The following RBMX variants were observed in gnomAD, a reference collection of about 807,000 sequenced individuals.
RBMX encodes the protein RNA binding motif protein X-linked, also known as RNA-binding motif protein, X chromosome.
RBMX carries 1 observed loss-of-function variant against 29.3 expected under a neutral mutation model. That is an observed-to-expected ratio of 0.03 (90% confidence interval 0.01 to 0.16). The LOEUF (loss-of-function observed/expected upper bound fraction) is 0.16, where lower values mean the gene tolerates loss of function less well. Among genes scored for constraint, RBMX ranks in the 10% least tolerant of loss-of-function variants. The pLI is 1.00. For missense variants in RBMX, 121 were observed against 333.2 expected (o/e 0.36, Z 4.96); for synonymous variants, 102 against 102.3 (o/e 1.00, Z 0.02).
At chrX:136,878,621 T>C (rs1376789404) in intron 3 of RBMX, among the ~76,000 whole-genome samples, 2 of 52,830 alleles carry the variant, frequency 3.8e-5, no homozygotes, top group Non-Finnish European at 6.3e-5. Flanking sequence ...CGCGCATGCC[T>C]GTAATCCCAG....
chrX:136,878,606 G>T (rs916384457), intron 3 of RBMX, among the ~76,000 whole-genome samples: 1 of 82,800 alleles, frequency 1.2e-5, no homozygotes, highest in Non-Finnish European at 2.3e-5. Context: ...TTAGCCGGGC[G>T]TGGTCGCGCA....
At chrX:136,875,430 A>C (rs1240686575) in intron 6 of RBMX, 41 bp downstream of exon 6, 1 of 1,206,126 alleles carries the variant, frequency 8.3e-7, no homozygotes, top group South Asian at 1.8e-5. Context: ...GCTTTCCTTC[A>C]ACCTTAATTA....
At chrX:136,875,709 CTAATTT>C (rs1024042826) in intron 5 of RBMX, 124 bp from the exon 6 acceptor site, 51 of 938,480 alleles carry the variant, frequency 5.4e-5, no homozygotes, top group South Asian at 3.7e-4. Flanking sequence ...GCTAGATCAC[CTAATTT>C]TATTTTCTAC....
At chrX:136,871,189 A>G (rs960728865), downstream of RBMX, among the ~76,000 whole-genome samples, 12 of 109,085 alleles carry the variant, frequency 1.1e-4, no homozygotes, top group Non-Finnish European at 2.1e-4. Context: ...GCTCATGCCT[A>G]TAATCCCAGC....
chrX:136,874,318 G>C lies in RBMX; in HGVS notation c.1000C>G (p.Leu334Val). ...RDSYSSSRSD[L>V]YSSGRDRVGR... Reference sequence around the variant, plus strand: ...ACCCGATCACGACCACTTGAGTAGAGATCACTTCGGCTGCTTGAGTAACTG... The same window carrying C: ...ACCCGATCACGACCACTTGAGTAGACATCACTTCGGCTGCTTGAGTAACTG... Residue 334 changes from leucine to valine, a missense_variant, in exon 9 of 9, where the codon CTC (leucine) becomes GTC (valine). This residue lies in a region of RBMX where 114 missense variants were observed against 260.0 expected (regional missense o/e 0.44). Coordinates refer to ENST00000320676, the MANE Select transcript of RBMX (RefSeq NM_002139.4). 8.2e-7 allele frequency: 1 copy of C among 1,212,819 alleles called. No homozygotes were observed. The highest frequency in any genetic ancestry group is 1.1e-6 in the Non-Finnish European group (1 of 895,666).
At chrX:136,875,947 G>A (rs953759077) in intron 5 of RBMX, among the ~76,000 whole-genome samples, 5 of 107,664 alleles carry the variant, frequency 4.6e-5, no homozygotes, top group African/African-American at 6.8e-5. Context: ...GATTACAGGT[G>A]CCCACCACCA....
downstream of RBMX, among the ~76,000 whole-genome samples, chrX:136,871,875 G>A (rs867706274): frequency 4.0e-5 from 4 of 98,832 alleles, no homozygotes; most frequent in African/African-American, 1.5e-4. Context: ...GACTGGTCTC[G>A]AACTCCTGAC....
chrX:136,880,522 C>T (rs950678950), intron 1 of RBMX, 75 bp downstream of exon 1: 1 of 112,032 alleles, frequency 8.9e-6, no homozygotes, highest in Admixed American at 9.5e-5. Flanking sequence ...ACCCCCATCT[C>T]CAGGGAGATA....
chrX:136,872,780 G>A (rs2077692584), downstream of RBMX: 1 of 117,352 alleles, frequency 8.5e-6, no homozygotes, highest in African/African-American at 3.3e-5. Flanking sequence ...TCCATACAGT[G>A]TAGTTTCATA....
chrX:136,870,872 C>T (rs915928401), downstream of RBMX, among the ~76,000 whole-genome samples: 8 of 107,683 alleles, frequency 7.4e-5, no homozygotes, highest in Non-Finnish European at 1.3e-4. Context: ...ATTGGGAGGT[C>T]GAGGCGGGCG....
intron 5 of RBMX, among the ~76,000 whole-genome samples, chrX:136,875,983 G>A (rs1471666295): frequency 9.1e-6 from 1 of 109,797 alleles, no homozygotes; most frequent in Admixed American, 9.7e-5. Flanking sequence ...TGTATCTTTA[G>A]TAGAGACAGG....
downstream of RBMX, among the ~76,000 whole-genome samples, chrX:136,871,456 A>AAAAGGTAATATTG (rs2077684031): frequency 9.2e-6 from 1 of 108,369 alleles, no homozygotes; most frequent in Non-Finnish European, 1.9e-5. Flanking sequence ...AAAAAAAAAA[A>AAAAGGTAATATTG]AAAAGGTAAT....
intron 4 of RBMX, among the ~76,000 whole-genome samples, chrX:136,877,489 C>A (rs1234071224): frequency 1.0e-5 from 1 of 100,389 alleles, no homozygotes; most frequent in African/African-American, 3.7e-5. Flanking sequence ...TCTCGCTGTT[C>A]CCCCAGGCTG....
intron 6 of RBMX, 23 bp downstream of exon 6, chrX:136,875,448 A>T (rs758813609): frequency 2.5e-6 from 3 of 1,205,575 alleles, no homozygotes; most frequent in Non-Finnish European, 3.4e-6. Flanking sequence ...TTATTAATTT[A>T]AAAAGCTGCA....
chrX:136,878,808 G>A (rs1444818915), intron 3 of RBMX, among the ~76,000 whole-genome samples: 5 of 107,962 alleles, frequency 4.6e-5, no homozygotes, highest in Admixed American at 1.0e-4. Flanking sequence ...AGAATGTTAC[G>A]AGCATAAGAT....
downstream of RBMX, chrX:136,869,653 G>T (rs1244602025): frequency 1.8e-5 from 2 of 110,834 alleles, no homozygotes; most frequent in Non-Finnish European, 3.8e-5. Context: ...TCAAATGAGA[G>T]TTAAAAATGT....
At chrX:136,872,420 T>C, downstream of RBMX, 1 of 906,429 alleles carries the variant, frequency 1.1e-6, no homozygotes, top group Non-Finnish European at 1.6e-6. Context: ...ATTACTGCCC[T>C]CTTTTCCAGA....
At chrX:136,871,343 G>A (rs371640417), downstream of RBMX, among the ~76,000 whole-genome samples, 6 of 103,413 alleles carry the variant, frequency 5.8e-5, no homozygotes, top group East Asian at 1.6e-3. Flanking sequence ...GGGGGAGGCT[G>A]AGGCACAGGA....
chrX:136,876,129 T>G (rs1055311847), intron 5 of RBMX, among the ~76,000 whole-genome samples: 15 of 100,676 alleles, frequency 1.5e-4, no homozygotes, highest in African/African-American at 2.2e-4. Context: ...TTTTTTGTTT[T>G]TTTTTTTTTT....
Sources: gnomAD v4.1 joint callset for allele counts (sites outside exome capture counted in the v4.1 genomes callset) on GRCh38, gnomAD v4.1.1 for gene constraint, gnomAD v4.1.1 regional missense constraint, MANE v1.5 for transcripts, NCBI Gene and HGNC (gene_info 2026-07-23, HGNC 2026-07-21) for gene names.